TRRAP: variants seen among roughly 807,000 people sequenced by gnomAD.
TRRAP encodes the protein transformation/transcription domain associated protein, also known as transformation/transcription domain-associated protein.
Under a neutral mutation model 438.8 loss-of-function variants are expected in TRRAP, and 41 were observed. The observed-to-expected ratio is 0.09, with a 90% CI of 0.07 to 0.12. The LOEUF (loss-of-function observed/expected upper bound fraction) is 0.12, where lower values mean the gene tolerates loss of function less well. TRRAP is among the 10% of genes least tolerant of loss of function. The pLI, the probability that TRRAP is intolerant of heterozygous loss-of-function variation, is 1.00. For synonymous variants in TRRAP, 1,994 were observed against 1,962.9 expected, an observed-to-expected ratio of 1.02 and a Z score of -0.42; for missense variants, 3,122 against 5,055.1, an observed-to-expected ratio of 0.62 and a Z score of 11.60.
intron 67 of TRRAP, among the ~76,000 whole-genome samples, 166 bp downstream of exon 67, chr7:98,995,014 CAT>C (rs1562976481): frequency 6.6e-6 from 1 of 152,220 alleles, no homozygotes; most frequent in African/African-American, 2.4e-5. Flanking sequence ...GCTGAGACCA[CAT>C]GTTTTTCTCC....
At position 98,935,567 on chromosome 7, in the gene TRRAP, T is replaced by C; in HGVS notation, c.4015-12T>C. 2 of 1,594,556 alleles carry C rather than the reference T, an allele frequency of 1.3e-6. No individual in the cohort carries two copies. Among genetic ancestry groups the C allele is most frequent in the Middle Eastern group, 1.7e-4 (1 of 6,004 alleles). ...AAGAGTGGGCTAAATGAAATTGTTT[T>C]ATCTTTTGCAGCTGTTGAATTTGTG... On this transcript the variant is annotated splice_polypyrimidine_tract_variant and intron_variant, in intron 27 of 72. Coordinates refer to ENST00000456197, the MANE Select transcript of TRRAP (RefSeq NM_001375524.1).
chr7:98,969,440 G>A (rs1443151744), intron 51 of TRRAP, among the ~76,000 whole-genome samples: 1 of 152,234 alleles, frequency 6.6e-6, no homozygotes, highest in Non-Finnish European at 1.5e-5. Context: ...ACCACAGTGA[G>A]CACATGCCTG....
At chr7:98,937,301 T>C (rs782250635) in intron 29 of TRRAP, 24 bp downstream of exon 29, 3 of 1,601,786 alleles carry the variant, frequency 1.9e-6, no homozygotes, top group Admixed American at 3.5e-5. Context: ...CGTGCGTGTA[T>C]GCGCACGCGT....
chr7:98,921,939 C>G lies in TRRAP; in HGVS notation c.2809C>G (p.Leu937Val), dbSNP rs1554410651. The G allele has an allele frequency of 6.2e-7, 1 of 1,614,220 alleles. No individual in the cohort carries two copies. The highest frequency in any genetic ancestry group is 2.2e-5 in the East Asian group (1 of 44,880). ...TTCCGACTGCAAAGCTTCTCTCCAG[C>G]TCCCCATGGAGAAGGTAAGCTCTGT... Reference protein sequence around the residue: ...EFSDCKASLQLPMEKAIETAL... With the variant: ...EFSDCKASLQVPMEKAIETAL... The change falls in exon 21 of 73, where the codon CTC (leucine) becomes GTC (valine). Residue 937 changes from leucine to valine, a missense_variant. Leu to Val is a conservative substitution (Grantham distance 32). Around this residue, in one of 24 missense-constraint regions of TRRAP, gnomAD observed 133 missense variants for 188.6 expected, o/e 0.71. Transcript: ENST00000456197.
At position 99,012,991 on chromosome 7, in the gene TRRAP, G is replaced by C. The variant is rs1794489940; in HGVS notation, c.*636G>C. ...ATTCAGTGGGTGAAGACAGAACTCT[G>C]AGAGTCTGCAGGCGGCTCCTGTGCT... On this transcript the variant is annotated 3_prime_UTR_variant, in exon 73 of 73. Coordinates refer to ENST00000456197, the MANE Select transcript of TRRAP (RefSeq NM_001375524.1). The surrounding 1 kb of genome is among the most constrained non-coding windows in gnomAD (Gnocchi z 5.9). The C allele has an allele frequency of 1.3e-5, 2 of 152,244 alleles. No individual in the cohort carries two copies. The highest frequency in any genetic ancestry group is 6.5e-5 in the Admixed American group (1 of 15,280). 9.4% of individuals were successfully genotyped at this position (152,244 alleles called of 1,614,324 possible). A position where few individuals can be genotyped will look rare whatever the true frequency, so the allele number is the denominator to read the frequency against.
In TRRAP at chr7:99,005,386, A is replaced by G; in HGVS notation, c.10753+38A>G. 6.2e-7 allele frequency: 1 copy of G among 1,604,344 alleles called. No individual in the cohort carries two copies. The highest frequency in any genetic ancestry group is 8.5e-7 in the Non-Finnish European group (1 of 1,171,978). On this transcript the variant is annotated intron_variant, in intron 69 of 72. Coordinates refer to ENST00000456197, the MANE Select transcript of TRRAP (RefSeq NM_001375524.1). The surrounding 1 kb of genome is among the most constrained non-coding windows in gnomAD (Gnocchi z 5.1). ...GCCACAGCTCGCTGGGTACACAGGC[A>G]GCTTCACAGGTGGGGATGAGAGCCA...
At chr7:99,000,733 TC>T (rs1297742665) in intron 67 of TRRAP, among the ~76,000 whole-genome samples, 1 of 152,166 alleles carries the variant, frequency 6.6e-6, no homozygotes, top group African/African-American at 2.4e-5. Flanking sequence ...GCCTGGGGTG[TC>T]CTGAAGGAGC....
chr7:98,948,648 C>A lies in TRRAP; in HGVS notation c.4751C>A (p.Ala1584Asp). 1.9e-6 allele frequency: 3 copies of A among 1,614,182 alleles called. No homozygotes were observed. Among genetic ancestry groups the A allele is most frequent in the Non-Finnish European group, 1.7e-6 (2 of 1,180,044 alleles). ...SQTVELFMME[A>D]TLNDPQWSRM... ...ACAGTGGAGCTGTTCATGATGGAAGCCACACTGAACGATCCCCAGTGGAGC... is the reference window on the plus strand; with the variant it reads ...ACAGTGGAGCTGTTCATGATGGAAGACACACTGAACGATCCCCAGTGGAGC... The change falls in exon 35 of 73, where the codon GCC becomes GAC. Residue 1584 changes from alanine to aspartate, a missense_variant. This residue lies in a region of TRRAP where 108 missense variants were observed against 256.9 expected (regional missense o/e 0.42). Transcript: ENST00000456197. This position sits in a 1 kb window ranked among gnomAD's most constrained non-coding sequence, Gnocchi z 4.9.
Position 98,890,452 on chromosome 7 carries a change from TA to T in TRRAP, c.261+14del. The T allele has an allele frequency of 5.1e-6, 8 of 1,558,800 alleles. No individual in the cohort carries two copies. Among genetic ancestry groups the T allele is most frequent in the South Asian group, 2.4e-5 (2 of 82,306 alleles). Reference sequence around the variant, plus strand: ...TCAGGAGAAACCAGCACAGGTAATGTAAAAAAATAACATGAGAAGACAAGGG... The same window carrying T: ...TCAGGAGAAACCAGCACAGGTAATGTAAAAAATAACATGAGAAGACAAGGG... On this transcript the variant is annotated splice_region_variant and intron_variant, in intron 4 of 72. Coordinates refer to ENST00000456197, the MANE Select transcript of TRRAP (RefSeq NM_001375524.1).
intron 67 of TRRAP, among the ~76,000 whole-genome samples, chr7:99,003,094 G>T (rs942041683): frequency 6.6e-6 from 1 of 152,146 alleles, no homozygotes; most frequent in Non-Finnish European, 1.5e-5. Context: ...GTGCCTCCTC[G>T]TGGCTCCCCC....
intron 26 of TRRAP, among the ~76,000 whole-genome samples, chr7:98,931,973 A>C (rs534046324): frequency 1.3e-3 from 200 of 151,472 alleles, no homozygotes; most frequent in African/African-American, 4.2e-3. Context: ...CCCAGGCTGG[A>C]GTGCAATCCT....
At position 98,903,001 on chromosome 7, in the gene TRRAP, G is replaced by A. The variant is rs559986788; in HGVS notation, c.898-378G>A. ...GAGGATGGCGTGAGCCCAGGAAGTC[G>A]AGGGTCACTTGAGTCAAGCTTAGTC... is the stretch of plus-strand genomic sequence containing the variant. On this transcript the variant is annotated intron_variant, in intron 11 of 72. Coordinates refer to ENST00000456197, the MANE Select transcript of TRRAP (RefSeq NM_001375524.1). Among the ~76,000 whole-genome samples the A allele has an allele frequency of 5.8e-4, 88 of 151,656 alleles. 1 individual carries two copies. Among genetic ancestry groups the A allele is most frequent in the African/African-American group, 2.1e-3 (85 of 41,380 alleles).
intron 19 of TRRAP, among the ~76,000 whole-genome samples, chr7:98,916,794 C>A (rs1363612287): frequency 6.6e-6 from 1 of 152,200 alleles, no homozygotes; most frequent in Non-Finnish European, 1.5e-5. Flanking sequence ...CCTCTATCCT[C>A]CTCATCCTTT....
intron 47 of TRRAP, 145 bp from the exon 48 acceptor site, chr7:98,964,484 T>C (rs1448385354): frequency 2.4e-6 from 2 of 836,490 alleles, no homozygotes; most frequent in East Asian, 2.6e-5. Flanking sequence ...GAATGTAGCG[T>C]GAGCCATGTA....
intron 3 of TRRAP, among the ~76,000 whole-genome samples, chr7:98,887,992 G>A (rs1795790106): frequency 6.6e-6 from 1 of 152,182 alleles, no homozygotes; most frequent in South Asian, 2.1e-4. Context: ...AACACTTTGG[G>A]AGGCTGAGGC....
At chr7:98,988,480 A>G (rs1793247789) in intron 62 of TRRAP, among the ~76,000 whole-genome samples, 1 of 152,210 alleles carries the variant, frequency 6.6e-6, no homozygotes, top group Non-Finnish European at 1.5e-5. Flanking sequence ...CCTCGAAAAC[A>G]CTGTGCTAGG....
Position 99,005,401 on chromosome 7 carries a change from G to GCTCTC in TRRAP, c.10753+53_10753+54insCTCTC. 4 of 1,569,944 alleles carry GCTCTC rather than the reference G, an allele frequency of 2.5e-6. No individual in the cohort carries two copies. Among genetic ancestry groups the GCTCTC allele is most frequent in the Non-Finnish European group, 3.5e-6 (4 of 1,141,496 alleles). ...GTACACAGGCAGCTTCACAGGTGGG[G>GCTCTC]ATGAGAGCCACACCTCGTGGGGTGC... On this transcript the variant is annotated intron_variant, in intron 69 of 72. Transcript: ENST00000456197. The surrounding 1 kb of genome is among the most constrained non-coding windows in gnomAD (Gnocchi z 5.1).
At chr7:98,896,514 A>G (rs1418754149) in intron 7 of TRRAP, among the ~76,000 whole-genome samples, 1 of 151,844 alleles carries the variant, frequency 6.6e-6, no homozygotes, top group Non-Finnish European at 1.5e-5. Context: ...AGTTCAAGCA[A>G]TTCTCCTGCC....
chr7:98,967,438 G>C, intron 50 of TRRAP, 47 bp from the exon 51 acceptor site: 3 of 1,596,260 alleles, frequency 1.9e-6, no homozygotes, highest in South Asian at 2.2e-5. Context: ...GTTTGCATAT[G>C]ACTTGGGGAG....
Sources: gnomAD v4.1 joint callset for allele counts (sites outside exome capture counted in the v4.1 genomes callset) on GRCh38, gnomAD v4.1.1 for gene constraint, gnomAD v4.1.1 regional missense constraint, Gnocchi (gnomAD v3.1) non-coding constraint, MANE v1.5 for transcripts, NCBI Gene and HGNC (gene_info 2026-07-23, HGNC 2026-07-21) for gene names.